Variants in ADGRB3 observed in about 807,000 individuals in gnomAD.
The protein encoded by ADGRB3 is brain-specific angiogenesis inhibitor 3.
Under a neutral mutation model 193.4 loss-of-function variants are expected in ADGRB3, and 37 were observed. The ratio of observed to expected loss-of-function variants is 0.19; its 90% CI spans 0.15 to 0.25. The LOEUF is 0.25. ADGRB3 is among the 10% of genes least tolerant of loss of function. ADGRB3 has a pLI of 1.00. For synonymous variants in ADGRB3, 690 were observed against 644.2 expected (o/e 1.07, Z -1.08); for missense variants, 1,637 against 1,852.9 (o/e 0.88, Z 2.14).
At chr6:68,645,396 C>T (rs1768185634) in intron 3 of ADGRB3, among the ~76,000 whole-genome samples, 1 of 151,958 alleles carries the variant, frequency 6.6e-6, no homozygotes. Flanking sequence ...CCTGTCAGTG[C>T]CTGTGGAAAT....
At chr6:68,945,450 A>G (rs1039148496) in intron 6 of ADGRB3, among the ~76,000 whole-genome samples, 3 of 152,120 alleles carry the variant, frequency 2.0e-5, no homozygotes, top group African/African-American at 7.2e-5. Flanking sequence ...GCAGACACAC[A>G]CATATGTAGT....
intron 17 of ADGRB3, among the ~76,000 whole-genome samples, chr6:69,182,713 A>T (rs1052924230): frequency 6.6e-6 from 1 of 152,100 alleles, no homozygotes; most frequent in African/African-American, 2.4e-5. Context: ...GGATATAACG[A>T]TTGGTAAGCT....
intron 3 of ADGRB3, among the ~76,000 whole-genome samples, chr6:68,872,607 A>G (rs983049884): frequency 2.6e-5 from 4 of 152,152 alleles, no homozygotes; most frequent in African/African-American, 7.2e-5. Flanking sequence ...TGCAGTATAC[A>G]CCAAAATGAT....
intron 5 of ADGRB3, among the ~76,000 whole-genome samples, chr6:68,941,423 A>G (rs1233722409): frequency 6.6e-6 from 1 of 152,198 alleles, no homozygotes; most frequent in Non-Finnish European, 1.5e-5. Context: ...GAAAGTATTA[A>G]GTAAGATTAA....
At chr6:69,241,191 G>A (rs748359096) in intron 20 of ADGRB3, among the ~76,000 whole-genome samples, 6 of 151,666 alleles carry the variant, frequency 4.0e-5, no homozygotes. Context: ...AATCACTGAT[G>A]TACAATAGAA....
chr6:68,660,319 T>A (rs971469389), intron 3 of ADGRB3, among the ~76,000 whole-genome samples: 1 of 150,548 alleles, frequency 6.6e-6, no homozygotes, highest in African/African-American at 2.4e-5. Flanking sequence ...ATCTTTTTTA[T>A]GTATCACTTC....
In ADGRB3 at chr6:69,278,745, C is replaced by T. The variant is rs1019342897; in HGVS notation, c.2814+39519C>T. Among the ~76,000 whole-genome samples the T allele has an allele frequency of 2.6e-5, 4 of 151,954 alleles. No individual in the cohort carries two copies. In the South Asian group the frequency reaches 8.3e-4, roughly 32 times the overall value. On this transcript the variant is annotated intron_variant, in intron 20 of 31. Coordinates refer to ENST00000370598, the MANE Select transcript of ADGRB3 (RefSeq NM_001704.3). Reference sequence around the variant, plus strand: ...ACTTCCTGACTCTATGCTTTTCTATCCTTTCTGATTTGGTCTCAGTTTTGT... The same window carrying T: ...ACTTCCTGACTCTATGCTTTTCTATTCTTTCTGATTTGGTCTCAGTTTTGT...
At chr6:69,321,331 T>A (rs544174697) in intron 20 of ADGRB3, among the ~76,000 whole-genome samples, 2 of 151,882 alleles carry the variant, frequency 1.3e-5, no homozygotes, top group South Asian at 4.1e-4. Flanking sequence ...TGAGACCAGT[T>A]AGGGGTTTGG....
intron 13 of ADGRB3, among the ~76,000 whole-genome samples, chr6:69,038,350 A>C (rs904803344): frequency 1.3e-5 from 2 of 151,518 alleles, no homozygotes; most frequent in Admixed American, 6.6e-5. Context: ...ACACACACAC[A>C]CCACAGTGAG....
intron 11 of ADGRB3, among the ~76,000 whole-genome samples, chr6:68,999,322 T>C (rs1769492174): frequency 1.3e-5 from 2 of 150,726 alleles, no homozygotes; most frequent in Middle Eastern, 3.5e-3. Context: ...TGGAGATCAG[T>C]GGCGAGATCT....
At chr6:68,809,465 A>T (rs959936698) in intron 3 of ADGRB3, among the ~76,000 whole-genome samples, 1 of 152,244 alleles carries the variant, frequency 6.6e-6, no homozygotes. Context: ...TAAATAATAG[A>T]CAATGGTGGC....
chr6:69,266,973 A>AT (rs745506671), intron 20 of ADGRB3, among the ~76,000 whole-genome samples: 2 of 152,014 alleles, frequency 1.3e-5, no homozygotes, highest in African/African-American at 2.4e-5. Flanking sequence ...TTGCAGAAGT[A>AT]TTTTTTGTAT....
intron 23 of ADGRB3, chr6:69,331,499 A>C: frequency 1.0e-6 from 1 of 982,902 alleles, no homozygotes; most frequent in Non-Finnish European, 1.2e-6. Flanking sequence ...GTGACATCCT[A>C]CTAATTCTGA....
chr6:68,673,585 G>A (rs142766288), intron 3 of ADGRB3, among the ~76,000 whole-genome samples: 93 of 152,220 alleles, frequency 6.1e-4, no homozygotes, highest in African/African-American at 1.9e-3. Flanking sequence ...CTAGAAGAGG[G>A]CAAAAGATAA....
At chr6:68,702,887 A>C (rs1765265956) in intron 3 of ADGRB3, among the ~76,000 whole-genome samples, 1 of 152,162 alleles carries the variant, frequency 6.6e-6, no homozygotes, top group African/African-American at 2.4e-5. Flanking sequence ...TGTTTTCTGG[A>C]TACATATGTA....
chr6:69,311,238 G>C (rs1768184743), intron 20 of ADGRB3, among the ~76,000 whole-genome samples: 1 of 151,766 alleles, frequency 6.6e-6, no homozygotes, highest in African/African-American at 2.4e-5. Flanking sequence ...GTCACAAGAA[G>C]TCAAACAGGG....
At chr6:68,646,475 C>CAAAAAAAAA (rs368034374) in intron 3 of ADGRB3, among the ~76,000 whole-genome samples, 1 of 107,614 alleles carries the variant, frequency 9.3e-6, no homozygotes, top group Admixed American at 8.9e-5. Context: ...GAAACTCTGT[C>CAAAAAAAAA]AAAAAAAAAA....
intron 3 of ADGRB3, among the ~76,000 whole-genome samples, chr6:68,759,907 C>A (rs1766364728): frequency 6.6e-6 from 1 of 151,992 alleles, no homozygotes; most frequent in African/African-American, 2.4e-5. Context: ...CTAACAAAAT[C>A]TCATAGATTT....
chr6:68,883,950 G>A (rs565576132), intron 3 of ADGRB3, among the ~76,000 whole-genome samples: 2 of 152,266 alleles, frequency 1.3e-5, no homozygotes, highest in African/African-American at 2.4e-5. Context: ...GTACTTCCAA[G>A]GTTGCTGTCC....
Sources: gnomAD v4.1 joint callset for allele counts (sites outside exome capture counted in the v4.1 genomes callset) on GRCh38, gnomAD v4.1.1 for gene constraint, MANE v1.5 for transcripts, NCBI Gene and HGNC (gene_info 2026-07-23, HGNC 2026-07-21) for gene names.